The following CYTH3 variants were observed in gnomAD, a reference collection of about 807,000 sequenced individuals.
The protein encoded by CYTH3 is cytohesin 3.
A neutral mutation model predicts 55.1 loss-of-function variants in CYTH3; 23 were observed. The observed-to-expected ratio is 0.42, with a 90% CI of 0.30 to 0.59. The LOEUF (loss-of-function observed/expected upper bound fraction) is 0.59. Ranked by LOEUF, CYTH3 falls within the 20% of genes least tolerant of loss-of-function variation. The pLI is 0.20. For missense variants in CYTH3, 413 were observed against 524.8 expected, an observed-to-expected ratio of 0.79 and a Z score of 2.08; for synonymous variants, 249 against 194.9, an observed-to-expected ratio of 1.28 and a Z score of -2.31.
At chr7:6,249,169 A>T (rs1358602887) in intron 1 of CYTH3, among the ~76,000 whole-genome samples, 1 of 152,078 alleles carries the variant, frequency 6.6e-6, no homozygotes, top group African/African-American at 2.4e-5. Context: ...TTCCCTTTCA[A>T]ATGGGAAGGT....
At chr7:6,205,090 G>T (rs1165229586) in intron 1 of CYTH3, among the ~76,000 whole-genome samples, 2 of 151,966 alleles carry the variant, frequency 1.3e-5, no homozygotes, top group Non-Finnish European at 2.9e-5. Context: ...ACCTGAGCCT[G>T]GACGGCCAAG....
Position 6,224,467 on chromosome 7 carries a change from T to C in CYTH3, c.35-33936A>G, listed in dbSNP as rs75704947. Among the ~76,000 whole-genome samples, 35 of 152,342 alleles carry C rather than the reference T, an allele frequency of 2.3e-4. No homozygotes were observed. The East Asian group carries it at 6.0e-3, about 26-fold the overall frequency. On this transcript the variant is annotated intron_variant, in intron 1 of 12. Transcript: ENST00000350796. The stretch of plus-strand genomic sequence containing the variant: ...GCAAAAGAATGAGGGTCTAGACCCC[T>C]ACCTTATGCCATATACAAAAATTAA...
At chr7:6,253,589 G>C (rs528379692) in intron 1 of CYTH3, among the ~76,000 whole-genome samples, 2 of 151,976 alleles carry the variant, frequency 1.3e-5, no homozygotes, top group East Asian at 1.9e-4. Context: ...AGGCCAAGGC[G>C]GGCAGATCAC....
intron 1 of CYTH3, among the ~76,000 whole-genome samples, chr7:6,232,765 C>G (rs901672626): frequency 6.6e-6 from 1 of 152,156 alleles, no homozygotes; most frequent in South Asian, 2.1e-4. Context: ...CTGGGCGTGG[C>G]TCTCTGTACT....
chr7:6,258,320 A>G (rs1422802851), intron 1 of CYTH3, among the ~76,000 whole-genome samples: 2 of 151,912 alleles, frequency 1.3e-5, no homozygotes, highest in South Asian at 2.1e-4. Flanking sequence ...CTCAAAAAAA[A>G]AAAAGAAAAG....
At chr7:6,205,622 T>C (rs1583784624) in intron 1 of CYTH3, among the ~76,000 whole-genome samples, 1 of 151,924 alleles carries the variant, frequency 6.6e-6, no homozygotes, top group East Asian at 1.9e-4. Context: ...AATGTGAAAA[T>C]ATTACTTGTG....
At chr7:6,249,387 T>A (rs1017633003) in intron 1 of CYTH3, among the ~76,000 whole-genome samples, 1 of 152,248 alleles carries the variant, frequency 6.6e-6, no homozygotes, top group African/African-American at 2.4e-5. Flanking sequence ...GAAAATTTGC[T>A]TATGGGTAAA....
At chr7:6,202,457 G>GTTT (rs34849107) in intron 1 of CYTH3, among the ~76,000 whole-genome samples, 8 of 126,504 alleles carry the variant, frequency 6.3e-5, no homozygotes, top group African/African-American at 9.3e-5. Context: ...GCCATTGCTA[G>GTTT]TTTTTTTTTT....
chr7:6,253,922 G>A lies in CYTH3; in HGVS notation c.34+18552C>T, dbSNP rs564862158. ...GCAGGAGAATCACTTGAACCCGGGA[G>A]GCAGCGGTTGCAGTGAGCCAAGATC... On this transcript the variant is annotated intron_variant, in intron 1 of 12. Coordinates refer to ENST00000350796, the MANE Select transcript of CYTH3 (RefSeq NM_004227.4). 1.4e-4 allele frequency among the ~76,000 whole-genome samples: 22 copies of A among 152,074 alleles called. No homozygotes were observed. The East Asian group carries it at 3.7e-3, about 25-fold the overall frequency.
intron 1 of CYTH3, among the ~76,000 whole-genome samples, chr7:6,205,960 A>T (rs570186110): frequency 1.9e-3 from 283 of 151,916 alleles, no homozygotes; most frequent in Middle Eastern, 3.4e-3. Context: ...CTCACCTTTA[A>T]AAATTAGAGA....
At chr7:6,207,002 T>G (rs537503162) in intron 1 of CYTH3, among the ~76,000 whole-genome samples, 1 of 150,632 alleles carries the variant, frequency 6.6e-6, no homozygotes, top group East Asian at 1.9e-4. Flanking sequence ...ATGTCCTGTT[T>G]AAAAGAAAAA....
chr7:6,165,708 G>A (rs373912967), intron 10 of CYTH3, 26 bp downstream of exon 10: 57 of 1,613,786 alleles, frequency 3.5e-5, no homozygotes, highest in Admixed American at 6.7e-5. Context: ...GCTGGGAGGC[G>A]GCAAGGAGGC....
intron 4 of CYTH3, among the ~76,000 whole-genome samples, chr7:6,178,185 G>C (rs1382723283): frequency 2.6e-5 from 4 of 152,214 alleles, no homozygotes; most frequent in African/African-American, 4.8e-5. Flanking sequence ...ATGGGTTATT[G>C]AACAAACCAT....
In CYTH3 at chr7:6,224,922, G is replaced by A. The variant is rs183967661; in HGVS notation, c.35-34391C>T. 3.0e-3 allele frequency among the ~76,000 whole-genome samples: 451 copies of A among 152,292 alleles called. 1 individual carries two copies. The highest frequency in any genetic ancestry group is 4.8e-3 in the Non-Finnish European group (327 of 68,022). On this transcript the variant is annotated intron_variant, in intron 1 of 12. Transcript: ENST00000350796. ...CATACATGAAACCTGAAAACGTTAT[G>A]TGAAGTAAAGGAAGTCAGATGCAAA...
At chr7:6,172,790 C>T (rs1421091992) in intron 6 of CYTH3, 2 of 1,279,820 alleles carry the variant, frequency 1.6e-6, no homozygotes, top group East Asian at 1.1e-4. Context: ...TAAGCCTGAA[C>T]TGCGGCTGCA....
At chr7:6,168,261 G>C (rs952061219) in intron 9 of CYTH3, among the ~76,000 whole-genome samples, 1 of 142,760 alleles carries the variant, frequency 7.0e-6, no homozygotes, top group Non-Finnish European at 1.5e-5. Context: ...TTCAAGACTC[G>C]AAGTCTTAAG....
chr7:6,240,740 A>T (rs1398935289), intron 1 of CYTH3, among the ~76,000 whole-genome samples: 1 of 152,220 alleles, frequency 6.6e-6, no homozygotes, highest in African/African-American at 2.4e-5. Flanking sequence ...ACAGGAAGAA[A>T]ACAGATAACA....
At chr7:6,190,970 G>A (rs778609180) in intron 1 of CYTH3, among the ~76,000 whole-genome samples, 2 of 151,826 alleles carry the variant, frequency 1.3e-5, no homozygotes, top group Admixed American at 6.6e-5. Flanking sequence ...TCAGCTACTC[G>A]GGAGGCTGAG....
intron 1 of CYTH3, among the ~76,000 whole-genome samples, chr7:6,270,920 G>A (rs879675876): frequency 1.3e-5 from 2 of 152,056 alleles, no homozygotes; most frequent in Non-Finnish European, 2.9e-5. Flanking sequence ...TTTACTCACA[G>A]AGCCCAAAGC....
Sources: allele counts gnomAD v4.1 joint callset (sites outside exome capture counted in the v4.1 genomes callset), GRCh38; gene constraint gnomAD v4.1.1; transcripts MANE v1.5; gene names NCBI Gene and HGNC (gene_info 2026-07-23, HGNC 2026-07-21).